RELN: variants seen among roughly 807,000 people sequenced by gnomAD.
RELN encodes reelin.
RELN carries 108 observed loss-of-function variants against 427.6 expected under a neutral mutation model. The observed-to-expected ratio is 0.25, with a 90% CI of 0.22 to 0.30. The LOEUF is 0.30. Among genes scored for constraint, RELN ranks in the 10% least tolerant of loss-of-function variants. RELN has a pLI of 1.00. For synonymous variants in RELN, 1,524 were observed against 1,513.4 expected, an observed-to-expected ratio of 1.01 and a Z score of -0.16; for missense variants, 3,715 against 4,302.8, an observed-to-expected ratio of 0.86 and a Z score of 3.82.
At chr7:103,739,158 A>C (rs927353440) in intron 6 of RELN, among the ~76,000 whole-genome samples, 1 of 152,214 alleles carries the variant, frequency 6.6e-6, no homozygotes, top group Non-Finnish European at 1.5e-5. Flanking sequence ...TTTGGCTGTT[A>C]GGTATAATTA....
intron 12 of RELN, among the ~76,000 whole-genome samples, chr7:103,660,945 A>C (rs1833126750): frequency 6.6e-6 from 1 of 152,182 alleles, no homozygotes; most frequent in African/African-American, 2.4e-5. Context: ...AGTATTATTA[A>C]AGTATTAACC....
chr7:103,719,728 C>T (rs1321092515), intron 8 of RELN, among the ~76,000 whole-genome samples: 1 of 152,178 alleles, frequency 6.6e-6, no homozygotes, highest in Non-Finnish European at 1.5e-5. Context: ...ATTTTTCTTC[C>T]TATCCCAGAG....
chr7:103,865,816 G>C (rs1794184513), intron 2 of RELN, among the ~76,000 whole-genome samples: 1 of 152,136 alleles, frequency 6.6e-6, no homozygotes, highest in Admixed American at 6.6e-5. Flanking sequence ...AAACCAGAAA[G>C]CTTTTGCTCT....
chr7:103,634,621 A>C (rs1448926973), intron 19 of RELN, among the ~76,000 whole-genome samples: 2 of 152,100 alleles, frequency 1.3e-5, no homozygotes, highest in African/African-American at 4.8e-5. Flanking sequence ...ATAAACCCTA[A>C]CACCCCATTT....
chr7:103,489,929 T>G (rs1180665498), intron 59 of RELN, 30 bp from the exon 60 acceptor site: 1 of 1,613,376 alleles, frequency 6.2e-7, no homozygotes, highest in African/African-American at 1.3e-5. Context: ...CAGAAGGGAT[T>G]CAGTAGGTTG....
intron 4 of RELN, among the ~76,000 whole-genome samples, chr7:103,753,667 G>A (rs929203895): frequency 2.3e-4 from 35 of 152,138 alleles, no homozygotes; most frequent in African/African-American, 7.7e-4. Flanking sequence ...TGTTGAAATT[G>A]AAACTTTGAA....
At chr7:103,540,564 T>C (rs1258030715) in intron 43 of RELN, 109 bp from the exon 44 acceptor site, 4 of 959,190 alleles carry the variant, frequency 4.2e-6, no homozygotes, top group Non-Finnish European at 6.5e-6. Flanking sequence ...CCTCAATAAA[T>C]ATGGCGATTT....
At chr7:103,688,096 C>T (rs548389696) in intron 10 of RELN, among the ~76,000 whole-genome samples, 8 of 152,116 alleles carry the variant, frequency 5.3e-5, no homozygotes, top group East Asian at 3.9e-4. Flanking sequence ...AAGAGCAATA[C>T]GATCCAAAGT....
intron 20 of RELN, among the ~76,000 whole-genome samples, chr7:103,621,755 C>T (rs1832222759): frequency 6.6e-6 from 1 of 152,178 alleles, no homozygotes; most frequent in Non-Finnish European, 1.5e-5. Context: ...GTGGCTCATG[C>T]TTGTGATCTG....
chr7:103,912,058 T>G (rs544050855), intron 2 of RELN, among the ~76,000 whole-genome samples: 1 of 152,180 alleles, frequency 6.6e-6, no homozygotes, highest in East Asian at 1.9e-4. Flanking sequence ...AAATACTAGT[T>G]TTATGTTAAT....
At chr7:103,696,134 C>G (rs193294054) in intron 10 of RELN, among the ~76,000 whole-genome samples, 1 of 152,172 alleles carries the variant, frequency 6.6e-6, no homozygotes, top group East Asian at 1.9e-4. Context: ...ATTCTACTTG[C>G]TACTTTTCTT....
intron 60 of RELN, among the ~76,000 whole-genome samples, chr7:103,489,225 T>TGTGTGTGTGTGTGTGTGTCC (rs1315911573): frequency 1.7e-4 from 26 of 151,930 alleles, no homozygotes; most frequent in African/African-American, 6.3e-4. Flanking sequence ...TGTGTGTGTG[T>TGTGTGTGTGTGTGTGTGTCC]GTGTCCGTGT....
intron 2 of RELN, among the ~76,000 whole-genome samples, chr7:103,840,906 T>C (rs1029470571): frequency 2.0e-5 from 3 of 152,240 alleles, no homozygotes; most frequent in African/African-American, 7.2e-5. Flanking sequence ...AATTTAACTA[T>C]GCTTTTTCTC....
chr7:103,716,444 C>A (rs979217257), intron 8 of RELN, among the ~76,000 whole-genome samples: 6 of 147,864 alleles, frequency 4.1e-5, no homozygotes, highest in African/African-American at 1.2e-4. Context: ...AATAAATATT[C>A]TAAAGAGCTT....
intron 4 of RELN, among the ~76,000 whole-genome samples, chr7:103,754,783 A>G (rs1791092548): frequency 6.6e-6 from 1 of 152,160 alleles, no homozygotes; most frequent in Admixed American, 6.5e-5. Flanking sequence ...CTCTAAATAA[A>G]TAATAAAAAG....
chr7:103,715,858 A>C (rs567381164), intron 8 of RELN, among the ~76,000 whole-genome samples: 1 of 152,314 alleles, frequency 6.6e-6, no homozygotes, highest in South Asian at 2.1e-4. Flanking sequence ...CAAGGAAGAG[A>C]AATGTGTCTG....
intron 2 of RELN, among the ~76,000 whole-genome samples, chr7:103,909,805 T>C (rs1230655859): frequency 3.8e-5 from 2 of 52,996 alleles, no homozygotes; most frequent in African/African-American, 9.0e-5. Context: ...TATATATTAA[T>C]ATATAATATT....
In RELN at chr7:103,901,869, C is replaced by G. The variant is rs80019399; in HGVS notation, c.337+15206G>C. ...ATACTAAGAATCACTGAATTGTATA[C>G]AAAATGCTAAATTTTATGTATGTGA... is the stretch of plus-strand genomic sequence containing the variant. On this transcript the variant is annotated intron_variant, in intron 2 of 64. Coordinates refer to ENST00000428762, the MANE Select transcript of RELN (RefSeq NM_005045.4). 2.5e-4 allele frequency among the ~76,000 whole-genome samples: 38 copies of G among 152,048 alleles called. No individual in the cohort carries two copies. The East Asian group carries it at 6.0e-3, about 24-fold the overall frequency.
intron 10 of RELN, among the ~76,000 whole-genome samples, chr7:103,682,878 A>G (rs1308482763): frequency 2.0e-5 from 3 of 152,178 alleles, no homozygotes; most frequent in Non-Finnish European, 2.9e-5. Flanking sequence ...TTAATCCCCA[A>G]AAGAACACAT....
Sources: allele counts gnomAD v4.1 joint callset (sites outside exome capture counted in the v4.1 genomes callset), GRCh38; gene constraint gnomAD v4.1.1; transcripts MANE v1.5; gene names NCBI Gene and HGNC (gene_info 2026-07-23, HGNC 2026-07-21).